RBM14: variants seen among roughly 807,000 people sequenced by gnomAD.
RBM14 encodes RNA binding motif protein 14, also known as RNA-binding protein 14.
RBM14 carries 5 observed loss-of-function variants against 52.8 expected under a neutral mutation model. The ratio of observed to expected loss-of-function variants is 0.09; its 90% CI spans 0.05 to 0.20. The LOEUF (loss-of-function observed/expected upper bound fraction) is 0.20, where lower values mean the gene tolerates loss of function less well. Ranked by LOEUF, RBM14 falls within the 10% of genes least tolerant of loss-of-function variation. The pLI is 1.00. For synonymous variants in RBM14, 411 were observed against 401.8 expected (o/e 1.02, Z -0.28); for missense variants, 780 against 926.6 (o/e 0.84, Z 2.05).
rs1937720162 is a variant in RBM14, at chr11:66,625,004, C to T, written c.1128C>T (p.Ser376=). ...AGGGAGCAGCTTCCTCCTTAGGCTCCTACGGGGCTCAGGCAGCCTCCTATG... is the reference window on the plus strand; with the variant it reads ...AGGGAGCAGCTTCCTCCTTAGGCTCTTACGGGGCTCAGGCAGCCTCCTATG... The part of the protein sequence containing the change: ...NTQGAASSLG[S]YGAQAASYGA... Residue 376 remains serine, a synonymous_variant, in exon 2 of 3, where the codon TCC becomes TCT. Transcript: ENST00000310137. This position sits in a 1 kb window ranked among gnomAD's most constrained non-coding sequence, Gnocchi z 4.2. The T allele has an allele frequency of 4.3e-6, 7 of 1,613,636 alleles. No homozygotes were observed. The highest frequency in any genetic ancestry group is 1.3e-5 in the African/African-American group (1 of 74,868).
At position 66,627,647 on chromosome 11, in the gene RBM14, C is replaced by T. The variant is rs978589842; in HGVS notation, c.*979C>T. ...TCCTCTGCCTGTGCTTGACCATTTTCACTGACTTTTCTCCAGTTCAGGAAT... is the reference window on the plus strand; with the variant it reads ...TCCTCTGCCTGTGCTTGACCATTTTTACTGACTTTTCTCCAGTTCAGGAAT... On this transcript the variant is annotated 3_prime_UTR_variant, in exon 3 of 3. Coordinates refer to ENST00000310137, the MANE Select transcript of RBM14 (RefSeq NM_006328.4). Among the ~76,000 whole-genome samples, 1 of 152,200 alleles carries T rather than the reference C, an allele frequency of 6.6e-6. No individual in the cohort carries two copies. Among genetic ancestry groups the T allele is most frequent in the Non-Finnish European group, 1.5e-5 (1 of 68,048 alleles).
chr11:66,625,032 G>A lies in RBM14; in HGVS notation c.1156G>A (p.Ala386Thr), dbSNP rs760457978. ...CGGGGCTCAGGCAGCCTCCTATGGGGCCCAGTCTGCAGCCTCCTCACTAGC... is the reference window on the plus strand; with the variant it reads ...CGGGGCTCAGGCAGCCTCCTATGGGACCCAGTCTGCAGCCTCCTCACTAGC... ...SYGAQAASYG[A>T]QSAASSLAYG... The change falls in exon 2 of 3, where the codon GCC becomes ACC. Residue 386 changes from alanine (A) to threonine (T), a missense_variant. Transcript: ENST00000310137. The surrounding 1 kb of genome is among the most constrained non-coding windows in gnomAD (Gnocchi z 4.2). The A allele has an allele frequency of 1.0e-4, 166 of 1,613,506 alleles. No homozygotes were observed. Among genetic ancestry groups the A allele is most frequent in the Non-Finnish European group, 1.4e-4 (162 of 1,179,906 alleles).
chr11:66,624,499 C>T lies in RBM14; in HGVS notation c.623C>T (p.Pro208Leu). The change falls in exon 2 of 3, where the codon CCC becomes CTC. Residue 208 changes from proline to leucine, a missense_variant. By Grantham distance (98) the Pro-to-Leu change is moderately conservative (BLOSUM62 -3). Coordinates refer to ENST00000310137, the MANE Select transcript of RBM14 (RefSeq NM_006328.4). The surrounding 1 kb of genome is among the most constrained non-coding windows in gnomAD (Gnocchi z 4.7). ...GGGCAAGCCCGTCAGCCCACACCAC[C>T]CTTCTTTGGTCGCGACCGCAGCCCT... ...FDGQARQPTP[P>L]FFGRDRSPLR... The T allele has an allele frequency of 1.9e-6, 3 of 1,612,986 alleles. No individual in the cohort carries two copies. The highest frequency in any genetic ancestry group is 2.5e-6 in the Non-Finnish European group (3 of 1,179,070).
chr11:66,623,482 CTA>C (rs1859213827), intron 1 of RBM14, among the ~76,000 whole-genome samples: 1 of 152,210 alleles, frequency 6.6e-6, no homozygotes, highest in Non-Finnish European at 1.5e-5. Context: ...GGTCCTGACT[CTA>C]ACACACTTTG....
At position 66,625,417 on chromosome 11, in the gene RBM14, C is replaced by T. The variant is rs1198653439; in HGVS notation, c.1541C>T (p.Ala514Val). 6.2e-7 allele frequency: 1 copy of T among 1,613,722 alleles called. No individual in the cohort carries two copies. Among genetic ancestry groups the T allele is most frequent in the Non-Finnish European group, 8.5e-7 (1 of 1,179,954 alleles). Reference sequence around the variant, plus strand: ...GCCCAACCTTCTGCCACCCTGGCAGCTCCTTACCGCACTCAGTCATCAGCC... The same window carrying T: ...GCCCAACCTTCTGCCACCCTGGCAGTTCCTTACCGCACTCAGTCATCAGCC... The part of the protein sequence containing the change: ...YGAQPSATLA[A>V]PYRTQSSASL... Residue 514 changes from alanine (A) to valine (V), a missense_variant, in exon 2 of 3, where the codon GCT (alanine) becomes GTT (valine). Around this residue, in one of 4 missense-constraint regions of RBM14, gnomAD observed 675 missense variants for 697.3 expected, o/e 0.97. Transcript: ENST00000310137. This position sits in a 1 kb window ranked among gnomAD's most constrained non-coding sequence, Gnocchi z 4.2.
intron 1 of RBM14, among the ~76,000 whole-genome samples, chr11:66,623,480 C>A (rs917688054): frequency 1.3e-5 from 2 of 152,206 alleles, no homozygotes; most frequent in African/African-American, 4.8e-5. Flanking sequence ...CTGGTCCTGA[C>A]TCTAACACAC....
chr11:66,629,928 A>G lies in RBM14; in HGVS notation c.*3260A>G, dbSNP rs1310094685. Among the ~76,000 whole-genome samples the G allele has an allele frequency of 5.9e-5, 9 of 152,040 alleles. No homozygotes were observed. The highest frequency in any genetic ancestry group is 1.0e-4 in the Non-Finnish European group (7 of 68,006). ...CTTGTCTCTACCAAAAGAAAAGAAAAAAAAAAGCCAGCTGTGGTGGCATGC... is the reference window on the plus strand; with the variant it reads ...CTTGTCTCTACCAAAAGAAAAGAAAGAAAAAAGCCAGCTGTGGTGGCATGC... On this transcript the variant is annotated 3_prime_UTR_variant, in exon 3 of 3. Transcript: ENST00000310137.
In RBM14 at chr11:66,625,066, C is replaced by A; in HGVS notation, c.1190C>A (p.Ala397Asp). The part of the protein sequence containing the change: ...QSAASSLAYG[A>D]QAASYNAQPS... Reference sequence around the variant, plus strand: ...GCAGCCTCCTCACTAGCTTATGGAGCCCAGGCAGCTTCATATAATGCCCAG... The same window carrying A: ...GCAGCCTCCTCACTAGCTTATGGAGACCAGGCAGCTTCATATAATGCCCAG... The change falls in exon 2 of 3, where the codon GCC becomes GAC. Residue 397 changes from alanine to aspartate, a missense_variant. By Grantham distance (126) the Ala-to-Asp change is moderately radical (BLOSUM62 -2). Coordinates refer to ENST00000310137, the MANE Select transcript of RBM14 (RefSeq NM_006328.4). This position sits in a 1 kb window ranked among gnomAD's most constrained non-coding sequence, Gnocchi z 4.2. 6.2e-7 allele frequency: 1 copy of A among 1,613,622 alleles called. No individual in the cohort carries two copies. Among genetic ancestry groups the A allele is most frequent in the Non-Finnish European group, 8.5e-7 (1 of 1,179,928 alleles).
intron 1 of RBM14, among the ~76,000 whole-genome samples, chr11:66,620,402 G>A (rs1859053529): frequency 6.6e-6 from 1 of 151,874 alleles, no homozygotes; most frequent in Non-Finnish European, 1.5e-5. Context: ...CCGTCTCCTG[G>A]GTTCAAGCAA....
At position 66,624,529 on chromosome 11, in the gene RBM14, G is replaced by T; in HGVS notation, c.653G>T (p.Arg218Leu). The T allele has an allele frequency of 6.2e-7, 1 of 1,613,352 alleles. No individual in the cohort carries two copies. The highest frequency in any genetic ancestry group is 8.5e-7 in the Non-Finnish European group (1 of 1,179,966). ...PFFGRDRSPL[R>L]RSPPRASYVA... Reference sequence around the variant, plus strand: ...TTTGGTCGCGACCGCAGCCCTCTGCGCCGTTCACCTCCCCGAGCCTCTTAT... The same window carrying T: ...TTTGGTCGCGACCGCAGCCCTCTGCTCCGTTCACCTCCCCGAGCCTCTTAT... The change falls in exon 2 of 3, where the codon CGC (arginine) becomes CTC (leucine). Residue 218 changes from arginine to leucine, a missense_variant. Physicochemically the swap from Arg to Leu is moderately radical, Grantham distance 102 (BLOSUM62 -2). Coordinates refer to ENST00000310137, the MANE Select transcript of RBM14 (RefSeq NM_006328.4). This position sits in a 1 kb window ranked among gnomAD's most constrained non-coding sequence, Gnocchi z 4.7.
rs1590851387 is a variant in RBM14, at chr11:66,628,835, G to T, written c.*2167G>T. Among the ~76,000 whole-genome samples, 1 of 152,242 alleles carries T rather than the reference G, an allele frequency of 6.6e-6. No homozygotes were observed. The highest frequency in any genetic ancestry group is 1.9e-4 in the East Asian group (1 of 5,186). On this transcript the variant is annotated 3_prime_UTR_variant, in exon 3 of 3. Coordinates refer to ENST00000310137, the MANE Select transcript of RBM14 (RefSeq NM_006328.4). Reference sequence around the variant, plus strand: ...TCATCTTCCTTTTTCTCCAGTGAGGGTTCTGCCACTGTCTCAATCCCTTGG... The same window carrying T: ...TCATCTTCCTTTTTCTCCAGTGAGGTTTCTGCCACTGTCTCAATCCCTTGG...
Position 66,624,919 on chromosome 11 carries a change from ACG to A in RBM14, c.1044_1045del (p.Tyr348Ter). The A allele has an allele frequency of 1.2e-6, 2 of 1,612,800 alleles. No individual in the cohort carries two copies. The highest frequency in any genetic ancestry group is 3.3e-4 in the Middle Eastern group (2 of 6,062). On this transcript the variant is annotated stop_gained and frameshift_variant, in exon 2 of 3. Coordinates refer to ENST00000310137, the MANE Select transcript of RBM14 (RefSeq NM_006328.4). LOFTEE classifies it high-confidence loss of function. The surrounding 1 kb of genome is among the most constrained non-coding windows in gnomAD (Gnocchi z 4.7). ...TCCTATGGTAACCAGCCATCCTCTT[ACG>A]GCGCCCAGGCTGCCTCTTCCTATGG...
chr11:66,620,597 C>T (rs560271041), intron 1 of RBM14, among the ~76,000 whole-genome samples: 2 of 152,196 alleles, frequency 1.3e-5, no homozygotes, highest in African/African-American at 4.8e-5. Context: ...CCACCATGCC[C>T]GGCTTGGATT....
At chr11:66,617,599 C>G (rs1217666289) in intron 1 of RBM14, 1 of 982,302 alleles carries the variant, frequency 1.0e-6, no homozygotes, top group East Asian at 1.1e-4. Flanking sequence ...TTAGTCTTGT[C>G]TGGCATGGGT....
intron 1 of RBM14, among the ~76,000 whole-genome samples, chr11:66,618,304 G>A (rs550467077): frequency 1.3e-5 from 2 of 152,196 alleles, no homozygotes; most frequent in Admixed American, 1.3e-4. Context: ...GAAGTTTCAG[G>A]GATAGGAAAT....
chr11:66,617,101 C>T (rs1401942194), intron 1 of RBM14, 44 bp downstream of exon 1: 11 of 1,388,724 alleles, frequency 7.9e-6, no homozygotes, highest in East Asian at 6.8e-5. Context: ...GCTCGGGGCA[C>T]TCTGCCTGTT....
In RBM14 at chr11:66,619,117, A is replaced by G. The variant is rs562168051; in HGVS notation, c.337+2060A>G. On this transcript the variant is annotated intron_variant, in intron 1 of 2. Coordinates refer to ENST00000310137, the MANE Select transcript of RBM14 (RefSeq NM_006328.4). ...ACTGATGTCTTTTTATCTGTTTGTG[A>G]TGACGGAAAGTGAGGGTTGAAAGTT... The G allele has an allele frequency of 2.6e-5, 4 of 152,572 alleles. No individual in the cohort carries two copies. The East Asian group carries it at 7.7e-4, about 29-fold the overall frequency. 9.5% of individuals were successfully genotyped at this position (152,572 alleles called of 1,614,324 possible).
chr11:66,627,547 T>C lies in RBM14; in HGVS notation c.*879T>C, dbSNP rs372675894. Among the ~76,000 whole-genome samples, 103 of 152,328 alleles carry C rather than the reference T, an allele frequency of 6.8e-4. No homozygotes were observed. The highest frequency in any genetic ancestry group is 6.8e-3 in the Middle Eastern group (2 of 294). On this transcript the variant is annotated 3_prime_UTR_variant, in exon 3 of 3. Coordinates refer to ENST00000310137, the MANE Select transcript of RBM14 (RefSeq NM_006328.4). Reference sequence around the variant, plus strand: ...TGCTAGCCTGCCATCTTTCAGACTTTCCAGGGCAGGTGGCCTGGTCCTCAG... The same window carrying C: ...TGCTAGCCTGCCATCTTTCAGACTTCCCAGGGCAGGTGGCCTGGTCCTCAG...
chr11:66,621,697 C>G (rs1859120828), intron 1 of RBM14, among the ~76,000 whole-genome samples: 1 of 152,066 alleles, frequency 6.6e-6, no homozygotes, highest in Non-Finnish European at 1.5e-5. Context: ...CTTTTATCGT[C>G]TGTGCCAGCT....
Sources: allele counts gnomAD v4.1 joint callset (sites outside exome capture counted in the v4.1 genomes callset), GRCh38; gene constraint gnomAD v4.1.1; regional missense constraint gnomAD v4.1.1; non-coding constraint Gnocchi (gnomAD v3.1); transcripts MANE v1.5; gene names NCBI Gene and HGNC (gene_info 2026-07-23, HGNC 2026-07-21).